Variants in MICAL2 observed in about 807,000 individuals in gnomAD.
MICAL2 encodes the protein [F-actin]-monooxygenase MICAL2.
MICAL2 carries 77 observed loss-of-function variants against 127.3 expected under a neutral mutation model. The ratio of observed to expected loss-of-function variants is 0.60; its 90% CI spans 0.50 to 0.73. The LOEUF is 0.73. MICAL2 is among the 30% of genes least tolerant of loss of function. MICAL2 has a pLI of 0.00. For missense variants in MICAL2, 1,351 were observed against 1,434.4 expected (o/e 0.94, Z 0.94); for synonymous variants, 570 against 551.1 (o/e 1.03, Z -0.48).
chr11:12,204,436 G>A lies in MICAL2; in HGVS notation c.451G>A (p.Ala151Thr). 1.2e-6 allele frequency: 2 copies of A among 1,614,198 alleles called. No homozygotes were observed. The highest frequency in any genetic ancestry group is 1.7e-6 in the Non-Finnish European group (2 of 1,180,022). ...CAAGAAGTTCTATGGGAAGTTCTGT[G>A]CTGGCTCCATCGACCATATCAGTGA... ...GAKKFYGKFC[A>T]GSIDHISIRQ... Residue 151 changes from alanine (A) to threonine (T), a missense_variant, in exon 4 of 28, where the codon GCT becomes ACT. This residue lies in a region of MICAL2 where 599 missense variants were observed against 714.9 expected (regional missense o/e 0.84). Transcript: ENST00000683283.
At chr11:12,162,581 G>C (rs1368111155) in intron 3 of MICAL2, among the ~76,000 whole-genome samples, 162 bp downstream of exon 3, 1 of 152,224 alleles carries the variant, frequency 6.6e-6, no homozygotes, top group African/African-American at 2.4e-5. Context: ...CTAAGCATCA[G>C]CTTTTCCTGG....
In MICAL2 at chr11:12,220,196, C is replaced by T. The variant is rs543130948; in HGVS notation, c.949-5C>T. On this transcript the variant is annotated splice_polypyrimidine_tract_variant and splice_region_variant and intron_variant, in intron 8 of 27. Transcript: ENST00000683283. The stretch of plus-strand genomic sequence containing the variant: ...GTTGCTGCACCATGTTTTCATCTTC[C>T]CCAGGACTACATCGACACAGAGATG... 3 of 1,613,992 alleles carry T rather than the reference C, an allele frequency of 1.9e-6. No homozygotes were observed. Among genetic ancestry groups the T allele is most frequent in the South Asian group, 2.2e-5 (2 of 91,068 alleles).
intron 32 of MICAL2, among the ~76,000 whole-genome samples, chr11:12,338,379 G>A (rs1938802958): frequency 6.6e-6 from 1 of 152,172 alleles, no homozygotes; most frequent in Non-Finnish European, 1.5e-5. Context: ...CCTGAATACA[G>A]CACACTGATG....
At chr11:12,311,567 A>G (rs1864175035) in intron 29 of MICAL2, among the ~76,000 whole-genome samples, 1 of 152,084 alleles carries the variant, frequency 6.6e-6, no homozygotes, top group South Asian at 2.1e-4. Flanking sequence ...CACACCGGCT[A>G]ATTTTTGTAT....
intron 33 of MICAL2, among the ~76,000 whole-genome samples, chr11:12,353,898 C>G (rs1365704448): frequency 6.6e-6 from 1 of 152,182 alleles, no homozygotes. Flanking sequence ...GTACCACAGT[C>G]AGAGACTTGG....
At chr11:12,345,395 A>G (rs1407743655) in intron 32 of MICAL2, among the ~76,000 whole-genome samples, 1 of 152,234 alleles carries the variant, frequency 6.6e-6, no homozygotes, top group African/African-American at 2.4e-5. Context: ...GTGCATATAG[A>G]GTCGGCTTCA....
At chr11:12,299,696 T>G (rs1334820182) in intron 29 of MICAL2, among the ~76,000 whole-genome samples, 1 of 152,216 alleles carries the variant, frequency 6.6e-6, no homozygotes, top group African/African-American at 2.4e-5. Flanking sequence ...ATACATACAG[T>G]AACATCCGCA....
intron 3 of MICAL2, among the ~76,000 whole-genome samples, chr11:12,166,573 C>T (rs1855532407): frequency 6.6e-6 from 1 of 152,216 alleles, no homozygotes; most frequent in South Asian, 2.1e-4. Flanking sequence ...CTCTGGTCCT[C>T]AGTAGCATTC....
At chr11:12,320,538 TG>T (rs1864281296) in intron 30 of MICAL2, among the ~76,000 whole-genome samples, 1 of 151,534 alleles carries the variant, frequency 6.6e-6, no homozygotes, top group South Asian at 2.1e-4. Context: ...CTTGGTGGGG[TG>T]GGGGTGGCAG....
chr11:12,234,617 G>A (rs1268638790), intron 15 of MICAL2, among the ~76,000 whole-genome samples: 2 of 152,234 alleles, frequency 1.3e-5, no homozygotes, highest in African/African-American at 4.8e-5. Flanking sequence ...GCTGCCTGGG[G>A]CAAATTTTTG....
intron 1 of MICAL2, among the ~76,000 whole-genome samples, chr11:12,121,173 ACT>A (rs1426827553): frequency 1.3e-5 from 2 of 151,832 alleles, no homozygotes; most frequent in South Asian, 4.2e-4. Flanking sequence ...GTGGCTCTTG[ACT>A]CTGTGTAGCA....
intron 29 of MICAL2, among the ~76,000 whole-genome samples, chr11:12,306,110 T>C (rs1864106449): frequency 6.6e-6 from 1 of 152,212 alleles, no homozygotes; most frequent in Non-Finnish European, 1.5e-5. Flanking sequence ...ATAGAGCTTT[T>C]CACACATTGA....
intron 3 of MICAL2, among the ~76,000 whole-genome samples, chr11:12,188,718 C>A (rs992283011): frequency 4.6e-5 from 7 of 152,090 alleles, no homozygotes; most frequent in Admixed American, 4.6e-4. Flanking sequence ...TGACCCTGGG[C>A]AGGTTATGTA....
chr11:12,124,618 G>T (rs903272450), intron 1 of MICAL2, among the ~76,000 whole-genome samples: 24 of 152,192 alleles, frequency 1.6e-4, no homozygotes, highest in African/African-American at 5.8e-4. Context: ...CGGGCTAGGG[G>T]ACTTGAAGTC....
chr11:12,301,164 T>C (rs1449017361), intron 29 of MICAL2, among the ~76,000 whole-genome samples: 2 of 152,140 alleles, frequency 1.3e-5, no homozygotes, highest in Non-Finnish European at 2.9e-5. Flanking sequence ...ATCACGAGAC[T>C]AGCACAGGAA....
At chr11:12,237,726 A>G (rs1284097510) in intron 16 of MICAL2, among the ~76,000 whole-genome samples, 2 of 152,184 alleles carry the variant, frequency 1.3e-5, no homozygotes, top group East Asian at 3.8e-4. Flanking sequence ...AATTCTTGCT[A>G]CTCAAAATGT....
At position 12,150,904 on chromosome 11, in the gene MICAL2, C is replaced by A. The variant is rs564784383; in HGVS notation, c.-77-11175C>A. Among the ~76,000 whole-genome samples, 13 of 152,236 alleles carry A rather than the reference C, an allele frequency of 8.5e-5. No individual in the cohort carries two copies. In the South Asian group the frequency reaches 2.1e-3, roughly 24 times the overall value. ...TCGGTTTGGTTTGGGCTACCTAGAG[C>A]TTGAGGTGGTAGGAGTTATCCCCAC... is the stretch of plus-strand genomic sequence containing the variant. On this transcript the variant is annotated intron_variant, in intron 2 of 27. Coordinates refer to ENST00000683283, the MANE Select transcript of MICAL2 (RefSeq NM_001282663.2).
In MICAL2 at chr11:12,256,790, T is replaced by C; in HGVS notation, c.2961T>C (p.Ser987=). The C allele has an allele frequency of 6.2e-7, 1 of 1,610,192 alleles. No individual in the cohort carries two copies. Among genetic ancestry groups the C allele is most frequent in the African/African-American group, 1.3e-5 (1 of 75,002 alleles). Residue 987 remains serine (S), a synonymous_variant, in exon 24 of 28, where the codon TCT becomes TCC. Coordinates refer to ENST00000683283, the MANE Select transcript of MICAL2 (RefSeq NM_001282663.2). ...TCTTCTCTCCCGATCCCCAGGAATC[T>C]ATGCGAAAGTCATTTCCCCTTAACC... ...KAQATSPDLE[S]MRKSFPLNLG... is the part of the protein sequence containing the mutation.
chr11:12,170,324 C>T lies in MICAL2; in HGVS notation c.264+7905C>T, dbSNP rs115200748. On this transcript the variant is annotated intron_variant, in intron 3 of 27. Transcript: ENST00000683283. ...AATTAGCCGGGTGTGATGGTGCATG[C>T]CTGTAGTCTCAACTACTGGGGAGTC... 2.8e-3 allele frequency among the ~76,000 whole-genome samples: 420 copies of T among 152,100 alleles called. 4 individuals carry two copies. The highest frequency in any genetic ancestry group is 9.6e-3 in the African/African-American group (399 of 41,486).
Sources: allele counts gnomAD v4.1 joint callset (sites outside exome capture counted in the v4.1 genomes callset), GRCh38; gene constraint gnomAD v4.1.1; regional missense constraint gnomAD v4.1.1; transcripts MANE v1.5; gene names NCBI Gene and HGNC (gene_info 2026-07-23, HGNC 2026-07-21).